The following LARGE1 variants were observed in gnomAD, a reference collection of about 807,000 sequenced individuals.
LARGE1 encodes LARGE xylosyl- and glucuronyltransferase 1.
In LARGE1, 43 loss-of-function variants were observed where a neutral mutation model predicts 87.6. That is an observed-to-expected ratio of 0.49 (90% confidence interval 0.38 to 0.63). LARGE1 has a LOEUF of 0.63. LARGE1 is among the 30% of genes least tolerant of loss of function. The probability of loss-of-function intolerance (pLI) is 0.00; values close to 1 mark genes in which losing one functional copy is unlikely to be tolerated. For missense variants in LARGE1, 802 were observed against 1,000.2 expected (o/e 0.80, Z 2.67); for synonymous variants, 434 against 394.6 (o/e 1.10, Z -1.18).
chr22:33,287,231 C>T (rs1417120612), intron 12 of LARGE1, among the ~76,000 whole-genome samples: 1 of 152,182 alleles, frequency 6.6e-6, no homozygotes, highest in Admixed American at 6.5e-5. Flanking sequence ...ACTTAAGCTA[C>T]CTGGTATTAG....
intron 5 of LARGE1, among the ~76,000 whole-genome samples, chr22:33,594,123 A>T (rs1037230214): frequency 6.6e-6 from 1 of 152,178 alleles, no homozygotes. Context: ...CAATTCAAAT[A>T]ATTTTCTAGG....
chr22:33,367,246 G>A (rs1013451237), intron 9 of LARGE1, among the ~76,000 whole-genome samples: 3 of 151,830 alleles, frequency 2.0e-5, no homozygotes, highest in Non-Finnish European at 2.9e-5. Context: ...ATGAGTAAGT[G>A]GATCTGGAAT....
intron 7 of LARGE1, among the ~76,000 whole-genome samples, chr22:33,422,657 A>ACC (rs2066733837): frequency 6.6e-6 from 1 of 152,056 alleles, no homozygotes; most frequent in South Asian, 2.1e-4. Context: ...TCACAGGTGC[A>ACC]TGCCACCACG....
At chr22:33,189,270 C>T (rs1348799636) in intron 11 of LARGE1, among the ~76,000 whole-genome samples, 2 of 152,184 alleles carry the variant, frequency 1.3e-5, no homozygotes, top group African/African-American at 2.4e-5. Flanking sequence ...CTGGCTTTGT[C>T]GTCCCAGAAT....
At chr22:33,420,554 G>A (rs983491557) in intron 7 of LARGE1, among the ~76,000 whole-genome samples, 1 of 152,206 alleles carries the variant, frequency 6.6e-6, no homozygotes, top group Non-Finnish European at 1.5e-5. Context: ...GGAAGCCAGA[G>A]TGGCTGGAGT....
intron 1 of LARGE1, among the ~76,000 whole-genome samples, chr22:33,863,352 G>A (rs896976666): frequency 1.3e-5 from 2 of 152,162 alleles, no homozygotes; most frequent in Non-Finnish European, 2.9e-5. Context: ...TGCCGTCTCG[G>A]CTTGCCCAAC....
the LARGE1 span, among the ~76,000 whole-genome samples, chr22:33,078,395 T>C: frequency 6.6e-6 from 1 of 152,258 alleles, no homozygotes; most frequent in South Asian, 2.1e-4. Context: ...GCACCTACTA[T>C]GTGCCAGGAC....
At chr22:33,331,028 A>G (rs533293211) in intron 10 of LARGE1, among the ~76,000 whole-genome samples, 2 of 152,288 alleles carry the variant, frequency 1.3e-5, no homozygotes, top group South Asian at 4.1e-4. Context: ...TCTTTTTACC[A>G]GAGTTGCTAA....
At chr22:33,454,880 A>G (rs2068070983) in intron 6 of LARGE1, among the ~76,000 whole-genome samples, 1 of 152,288 alleles carries the variant, frequency 6.6e-6, no homozygotes, top group East Asian at 1.9e-4. Flanking sequence ...GTGCTAAACC[A>G]TTTATGAAGA....
chr22:33,231,448 G>A (rs571375339), intron 11 of LARGE1, among the ~76,000 whole-genome samples: 8 of 152,208 alleles, frequency 5.3e-5, no homozygotes, highest in Non-Finnish European at 1.2e-4. Flanking sequence ...AGAATTTAAT[G>A]AAGCAATATG....
chr22:33,396,700 G>C (rs1226897505), intron 7 of LARGE1, among the ~76,000 whole-genome samples: 1 of 152,052 alleles, frequency 6.6e-6, no homozygotes, highest in Non-Finnish European at 1.5e-5. Context: ...GGTGTTATGG[G>C]CAAATAGAGG....
At chr22:33,904,395 C>T (rs545305364) in intron 1 of LARGE1, among the ~76,000 whole-genome samples, 3 of 152,272 alleles carry the variant, frequency 2.0e-5, no homozygotes, top group South Asian at 2.1e-4. Flanking sequence ...ACCTCGTGGT[C>T]CCCCCGCCTC....
chr22:33,713,918 T>C (rs3930088), intron 2 of LARGE1, among the ~76,000 whole-genome samples: 26,064 of 151,912 alleles, frequency 0.17, 2,861 homozygotes, highest in African/African-American at 0.3. Context: ...ATGGTGCTGC[T>C]GCACTCCAGC....
At chr22:33,100,836 T>C in the LARGE1 span, among the ~76,000 whole-genome samples, 1 of 147,124 alleles carries the variant, frequency 6.8e-6, no homozygotes, top group Admixed American at 6.9e-5. Context: ...CTGCATTAAC[T>C]TCTATTTTTT....
chr22:33,414,685 C>T (rs925505570), intron 7 of LARGE1, among the ~76,000 whole-genome samples: 1 of 152,174 alleles, frequency 6.6e-6, no homozygotes, highest in Non-Finnish European at 1.5e-5. Flanking sequence ...GTGTCTGTGT[C>T]CCCTCAAAAT....
chr22:33,225,619 G>C (rs532576516), intron 11 of LARGE1, among the ~76,000 whole-genome samples: 1 of 151,942 alleles, frequency 6.6e-6, no homozygotes, highest in East Asian at 1.9e-4. Flanking sequence ...TTGTTATACA[G>C]GTAAACTTGT....
intron 1 of LARGE1, among the ~76,000 whole-genome samples, chr22:33,846,456 C>A (rs2063432558): frequency 6.6e-6 from 1 of 152,050 alleles, no homozygotes; most frequent in African/African-American, 2.4e-5. Flanking sequence ...GTTAACTGCA[C>A]AAATTGTAGA....
intron 1 of LARGE1, among the ~76,000 whole-genome samples, chr22:33,810,365 C>T (rs946174348): frequency 6.6e-6 from 1 of 152,132 alleles, no homozygotes; most frequent in Non-Finnish European, 1.5e-5. Context: ...CTGAAGGCAA[C>T]AAAATCTCCC....
intron 11 of LARGE1, among the ~76,000 whole-genome samples, chr22:33,226,523 C>T (rs1925742085): frequency 1.3e-5 from 2 of 152,180 alleles, no homozygotes; most frequent in Non-Finnish European, 2.9e-5. Context: ...AGCCACTGAC[C>T]TCTAGCCATG....
Sources: allele counts gnomAD v4.1 joint callset (sites outside exome capture counted in the v4.1 genomes callset), GRCh38; gene constraint gnomAD v4.1.1; transcripts MANE v1.5; gene names NCBI Gene and HGNC (gene_info 2026-07-23, HGNC 2026-07-21).